Variants in AMZ1 observed in about 807,000 individuals in gnomAD.
AMZ1 encodes archaelysin family metallopeptidase 1.
AMZ1 carries 39 observed loss-of-function variants against 29.9 expected under a neutral mutation model. That is an observed-to-expected ratio of 1.30 (90% CI 1.01 to 1.70). AMZ1 has a LOEUF of 1.70. Ranked by LOEUF, AMZ1 falls within the 40% of genes most tolerant of loss-of-function variation. The pLI, the probability that AMZ1 is intolerant of heterozygous loss-of-function variation, is 0.00. For synonymous variants in AMZ1, 458 were observed against 304.0 expected (o/e 1.51, Z -5.27); for missense variants, 1,041 against 680.6 (o/e 1.53, Z -5.89).
chr7:2,705,879 C>A (rs1317266854), intron 3 of AMZ1, among the ~76,000 whole-genome samples: 1 of 152,240 alleles, frequency 6.6e-6, no homozygotes, highest in Non-Finnish European at 1.5e-5. Flanking sequence ...TTGGCCTCTG[C>A]AGCCTCAGCT....
At chr7:2,762,700 G>C (rs759291699), upstream of AMZ1, 10 of 1,573,146 alleles carry the variant, frequency 6.4e-6, no homozygotes, top group Middle Eastern at 1.7e-4. Flanking sequence ...TGCCCGGGTG[G>C]AGGAGCGCCA....
chr7:2,728,655 A>C (rs574356514), intron 4 of AMZ1: 1 of 152,710 alleles, frequency 6.5e-6, no homozygotes, highest in Admixed American at 6.5e-5. Context: ...AATAAGGATT[A>C]ACAGTGAAAT....
chr7:2,736,464 G>A (rs972761881), intron 4 of AMZ1, among the ~76,000 whole-genome samples: 5 of 152,206 alleles, frequency 3.3e-5, no homozygotes, highest in East Asian at 1.9e-4. Flanking sequence ...ACTGTCCCAC[G>A]AATGTGTCTG....
intron 6 of AMZ1, among the ~76,000 whole-genome samples, chr7:2,710,666 T>C (rs1323939907): frequency 2.0e-5 from 3 of 152,150 alleles, no homozygotes; most frequent in African/African-American, 7.2e-5. Context: ...AGTGCTGGAA[T>C]CTCTCTGCAG....
At chr7:2,698,075 A>G (rs566667851) in intron 1 of AMZ1, among the ~76,000 whole-genome samples, 38 of 152,268 alleles carry the variant, frequency 2.5e-4, no homozygotes, top group African/African-American at 4.8e-5. Flanking sequence ...GCACATATAC[A>G]TGTATTTTCC....
At position 2,716,674 on chromosome 7, in the gene AMZ1, G is replaced by T. The variant is rs568412792; in HGVS notation, c.*3796G>T. ...CTCTGCAGACCCACCAGGCAGGGAC[G>T]GCCAGGCCTCGGAGAGAGGGACCGG... On this transcript the variant is annotated 3_prime_UTR_variant, in exon 7 of 7. Coordinates refer to ENST00000683327, the MANE Select transcript of AMZ1 (RefSeq NM_001384743.1). 6.6e-6 allele frequency: 1 copy of T among 152,240 alleles called. No individual in the cohort carries two copies. Among genetic ancestry groups the T allele is most frequent in the African/African-American group, 2.4e-5 (1 of 41,426 alleles). 9.4% of individuals were successfully genotyped at this position (152,240 alleles called of 1,614,324 possible).
At chr7:2,687,222 G>A (rs1216965282), upstream of AMZ1, among the ~76,000 whole-genome samples, 1 of 152,096 alleles carries the variant, frequency 6.6e-6, no homozygotes, top group Non-Finnish European at 1.5e-5. Flanking sequence ...CACTACTCAG[G>A]CGGCTGAGGC....
chr7:2,749,472 G>A (rs1790920261), intron 4 of AMZ1, among the ~76,000 whole-genome samples: 1 of 150,306 alleles, frequency 6.7e-6, no homozygotes, highest in South Asian at 2.2e-4. Context: ...GACAACACAT[G>A]GACACGGGAA....
At chr7:2,735,794 CCTCAT>C (rs1790141679) in intron 4 of AMZ1, among the ~76,000 whole-genome samples, 1 of 152,156 alleles carries the variant, frequency 6.6e-6, no homozygotes, top group South Asian at 2.1e-4. Flanking sequence ...GTCAGGGCGG[CCTCAT>C]CTCGAGAAAC....
At chr7:2,690,500 C>T (rs1263573133) in intron 1 of AMZ1, among the ~76,000 whole-genome samples, 3 of 152,250 alleles carry the variant, frequency 2.0e-5, no homozygotes, top group African/African-American at 7.2e-5. Context: ...TTGCCTCTCA[C>T]ATCCTGTTGA....
At chr7:2,708,521 G>A in intron 3 of AMZ1, 67 bp from the exon 4 acceptor site, 1 of 1,598,328 alleles carries the variant, frequency 6.3e-7, no homozygotes, top group Non-Finnish European at 8.5e-7. Context: ...CGGGGTGCCA[G>A]CCTGAGCCTG....
At chr7:2,727,257 T>G (rs908604568) in intron 4 of AMZ1, among the ~76,000 whole-genome samples, 1 of 152,064 alleles carries the variant, frequency 6.6e-6, no homozygotes, top group African/African-American at 2.4e-5. Context: ...AATTTTTGTA[T>G]TTTTAGTAGA....
chr7:2,700,355 C>T lies in AMZ1; in HGVS notation c.-97C>T. 7.0e-7 allele frequency: 1 copy of T among 1,425,410 alleles called. No individual in the cohort carries two copies. Among genetic ancestry groups the T allele is most frequent in the Non-Finnish European group, 9.4e-7 (1 of 1,063,184 alleles). 88.3% of individuals were successfully genotyped at this position (1,425,410 alleles called of 1,614,324 possible). A position where few individuals can be genotyped will look rare whatever the true frequency, so the allele number is the denominator to read the frequency against. On this transcript the variant is annotated 5_prime_UTR_variant, in exon 2 of 7. Transcript: ENST00000683327. ...GCCCCCGGTAGCCACTCGGATCAGC[C>T]CGAGGGAAGATTCTGGACGAGACCG... is the stretch of plus-strand genomic sequence containing the variant.
chr7:2,724,562 C>A (rs1789548803), downstream of AMZ1, among the ~76,000 whole-genome samples: 1 of 149,476 alleles, frequency 6.7e-6, no homozygotes, highest in Non-Finnish European at 1.5e-5. Flanking sequence ...CCCACGAGGG[C>A]CAGGCTGTGT....
intron 4 of AMZ1, among the ~76,000 whole-genome samples, chr7:2,732,166 C>T (rs1014144257): frequency 6.6e-6 from 1 of 152,202 alleles, no homozygotes; most frequent in Non-Finnish European, 1.5e-5. Context: ...ATTCAATCTG[C>T]AATACATTTA....
At chr7:2,687,212 C>T (rs1489371665), upstream of AMZ1, among the ~76,000 whole-genome samples, 1 of 152,006 alleles carries the variant, frequency 6.6e-6, no homozygotes, top group South Asian at 2.1e-4. Flanking sequence ...CTATAATCCC[C>T]ACTACTCAGG....
chr7:2,764,405 G>C (rs1446938589), upstream of AMZ1, among the ~76,000 whole-genome samples: 1 of 152,118 alleles, frequency 6.6e-6, no homozygotes. Context: ...TATTCACACA[G>C]AAGTACATCT....
At chr7:2,729,600 CTTGCGTTTACCGGGT>C (rs1789784355) in intron 4 of AMZ1, 1 of 152,354 alleles carries the variant, frequency 6.6e-6, no homozygotes, top group South Asian at 2.1e-4. Flanking sequence ...GCCCCAAGGG[CTTGCGTTTACCGGGT>C]TTGCGGAAAA....
In AMZ1 at chr7:2,700,422, C is replaced by T. The variant is rs754461806; in HGVS notation, c.-30C>T. The T allele has an allele frequency of 1.9e-6, 3 of 1,583,100 alleles. No individual in the cohort carries two copies. The highest frequency in any genetic ancestry group is 2.2e-5 in the South Asian group (2 of 89,464). On this transcript the variant is annotated 5_prime_UTR_variant, in exon 2 of 7. Transcript: ENST00000683327. Reference sequence around the variant, plus strand: ...GGCCCATGGACAGCAGCAGGGGCTCCCAGGAGTGGCCAGGCCCTGCCCGCC... The same window carrying T: ...GGCCCATGGACAGCAGCAGGGGCTCTCAGGAGTGGCCAGGCCCTGCCCGCC...
Sources: gnomAD v4.1 joint callset for allele counts (sites outside exome capture counted in the v4.1 genomes callset) on GRCh38, gnomAD v4.1.1 for gene constraint, MANE v1.5 for transcripts, NCBI Gene and HGNC (gene_info 2026-07-23, HGNC 2026-07-21) for gene names.